DOCK7: variants seen among roughly 807,000 people sequenced by gnomAD.
DOCK7 encodes dedicator of cytokinesis 7.
In DOCK7, 138 loss-of-function variants were observed where a neutral mutation model predicts 271.0. The observed-to-expected ratio is 0.51, with a 90% CI of 0.44 to 0.59. The LOEUF (loss-of-function observed/expected upper bound fraction) is 0.59. Ranked by LOEUF, DOCK7 falls within the 20% of genes least tolerant of loss-of-function variation. The pLI, the probability that DOCK7 is intolerant of heterozygous loss-of-function variation, is 0.00. For missense variants in DOCK7, 2,066 were observed against 2,592.4 expected, an observed-to-expected ratio of 0.80 and a Z score of 4.41; for synonymous variants, 823 against 876.1, an observed-to-expected ratio of 0.94 and a Z score of 1.07.
intron 19 of DOCK7, among the ~76,000 whole-genome samples, chr1:62,560,078 T>C (rs914636986): frequency 6.6e-6 from 1 of 152,178 alleles, no homozygotes; most frequent in Non-Finnish European, 1.5e-5. Context: ...AGCTTATTTC[T>C]TGTTTCCTCT....
intron 31 of DOCK7, 37 bp from the exon 32 acceptor site, chr1:62,513,935 C>A: frequency 1.3e-6 from 2 of 1,542,594 alleles, no homozygotes; most frequent in South Asian, 1.2e-5. Flanking sequence ...ACAGATTGAT[C>A]AAAGACCATT....
chr1:62,625,541 T>G (rs1653841449), intron 11 of DOCK7, 140 bp from the exon 12 acceptor site: 5 of 763,156 alleles, frequency 6.6e-6, no homozygotes, highest in Non-Finnish European at 8.2e-6. Context: ...AATTTTGCTT[T>G]TGGAGAGATT....
intron 7 of DOCK7, among the ~76,000 whole-genome samples, chr1:62,647,096 TG>T (rs1656766396): frequency 6.6e-6 from 1 of 152,216 alleles, no homozygotes; most frequent in South Asian, 2.1e-4. Context: ...CCCTATGAGT[TG>T]CTTGTTTCAG....
At chr1:62,548,055 A>C (rs1391778932) in intron 22 of DOCK7, among the ~76,000 whole-genome samples, 1 of 152,154 alleles carries the variant, frequency 6.6e-6, no homozygotes, top group Non-Finnish European at 1.5e-5. Flanking sequence ...ATAAATATCT[A>C]CTGAGCACCT....
At chr1:62,671,804 A>AT (rs57780278) in intron 1 of DOCK7, among the ~76,000 whole-genome samples, 3 of 152,088 alleles carry the variant, frequency 2.0e-5, no homozygotes, top group Non-Finnish European at 2.9e-5. Context: ...TTTAAAAACA[A>AT]TTTTTTTAAC....
chr1:62,491,798 T>A (rs2149292646), intron 41 of DOCK7, among the ~76,000 whole-genome samples: 1 of 152,344 alleles, frequency 6.6e-6, no homozygotes, highest in South Asian at 2.1e-4. Context: ...AGACTTTCTG[T>A]TTTGTTTTGC....
At chr1:62,642,462 T>C (rs570174800) in intron 7 of DOCK7, among the ~76,000 whole-genome samples, 2 of 152,338 alleles carry the variant, frequency 1.3e-5, no homozygotes, top group South Asian at 2.1e-4. Context: ...GACTGACTTA[T>C]AGTTCCACTT....
chr1:62,602,441 C>T (rs1195605231), intron 14 of DOCK7: 2 of 1,423,802 alleles, frequency 1.4e-6, no homozygotes, highest in African/African-American at 1.4e-5. Flanking sequence ...TACTGAGAAC[C>T]TCTTATGGAC....
chr1:62,640,465 T>A (rs1655876096), intron 7 of DOCK7, among the ~76,000 whole-genome samples: 1 of 152,124 alleles, frequency 6.6e-6, no homozygotes, highest in Non-Finnish European at 1.5e-5. Flanking sequence ...GAGGTTGCAG[T>A]GAGCCGAGAT....
chr1:62,535,882 T>C (rs576475986), intron 28 of DOCK7, among the ~76,000 whole-genome samples: 4 of 152,328 alleles, frequency 2.6e-5, no homozygotes, highest in Non-Finnish European at 1.5e-5. Flanking sequence ...TTTTCACATA[T>C]ACTTTCCTAC....
chr1:62,516,475 C>A (rs1644665091), intron 31 of DOCK7, among the ~76,000 whole-genome samples: 1 of 152,128 alleles, frequency 6.6e-6, no homozygotes, highest in Admixed American at 6.5e-5. Flanking sequence ...CAATAAATGC[C>A]CTAGCCCATT....
chr1:62,475,176 T>C (rs1557595907), intron 47 of DOCK7, 32 bp downstream of exon 47: 5 of 1,587,678 alleles, frequency 3.1e-6, no homozygotes, highest in East Asian at 2.3e-5. Context: ...ATTTACAGCT[T>C]AAATCACACA....
intron 1 of DOCK7, among the ~76,000 whole-genome samples, chr1:62,685,545 G>A (rs560362796): frequency 4.2e-5 from 6 of 141,408 alleles, no homozygotes; most frequent in Non-Finnish European, 9.2e-5. Context: ...ACCCACCCCC[G>A]GGCTCCAAAT....
intron 14 of DOCK7, among the ~76,000 whole-genome samples, chr1:62,612,032 T>G (rs902923433): frequency 6.6e-6 from 1 of 150,704 alleles, no homozygotes; most frequent in South Asian, 2.1e-4. Context: ...GGCTTGCACC[T>G]GTAGTCCCAC....
At chr1:62,523,220 GC>G (rs1644904017) in intron 31 of DOCK7, among the ~76,000 whole-genome samples, 1 of 152,018 alleles carries the variant, frequency 6.6e-6, no homozygotes, top group Non-Finnish European at 1.5e-5. Context: ...TATACAAAGG[GC>G]CAAAAAGTAG....
chr1:62,557,333 C>T (rs997625803), intron 20 of DOCK7, among the ~76,000 whole-genome samples: 6 of 151,688 alleles, frequency 4.0e-5, no homozygotes, highest in African/African-American at 1.5e-4. Context: ...AGAATTGCTT[C>T]ATTAATTAAC....
intron 7 of DOCK7, among the ~76,000 whole-genome samples, chr1:62,643,633 G>T (rs530322026): frequency 2.0e-5 from 3 of 152,170 alleles, no homozygotes; most frequent in Non-Finnish European, 4.4e-5. Context: ...GATCCTACTA[G>T]ACATCCAGAA....
At chr1:62,602,962 C>T (rs1253278403) in intron 14 of DOCK7, among the ~76,000 whole-genome samples, 2 of 151,368 alleles carry the variant, frequency 1.3e-5, no homozygotes, top group Non-Finnish European at 3.0e-5. Context: ...ATCCAAAAAG[C>T]ACATACAAAA....
chr1:62,621,514 A>G (rs1653238976), intron 12 of DOCK7, among the ~76,000 whole-genome samples: 1 of 152,146 alleles, frequency 6.6e-6, no homozygotes. Flanking sequence ...ATTTGAGGCT[A>G]CTTTATTACT....
Sources: allele counts gnomAD v4.1 joint callset (sites outside exome capture counted in the v4.1 genomes callset), GRCh38; gene constraint gnomAD v4.1.1; transcripts MANE v1.5; gene names NCBI Gene and HGNC (gene_info 2026-07-23, HGNC 2026-07-21).